Variants in TTC7B observed in about 807,000 individuals in gnomAD.
The protein encoded by TTC7B is tetratricopeptide repeat domain 7B.
Under a neutral mutation model 106.8 loss-of-function variants are expected in TTC7B, and 28 were observed. The ratio of observed to expected loss-of-function variants is 0.26; its 90% CI spans 0.19 to 0.36. The LOEUF (loss-of-function observed/expected upper bound fraction) is 0.36, where lower values mean the gene tolerates loss of function less well. Ranked by LOEUF, TTC7B falls within the 10% of genes least tolerant of loss-of-function variation. The pLI, the probability that TTC7B is intolerant of heterozygous loss-of-function variation, is 1.00. For missense variants in TTC7B, 862 were observed against 1,076.4 expected (o/e 0.80, Z 2.79); for synonymous variants, 405 against 430.6 (o/e 0.94, Z 0.74).
intron 18 of TTC7B, among the ~76,000 whole-genome samples, chr14:90,592,594 A>G (rs1180711409): frequency 6.6e-6 from 1 of 151,984 alleles, no homozygotes; most frequent in East Asian, 1.9e-4. Flanking sequence ...CTGTAATTCC[A>G]GCTACTTGGG....
chr14:90,584,080 C>T lies in TTC7B; in HGVS notation c.2108-5772G>A, dbSNP rs939528636. ...CCTCATCTGCCCTGTCACAGTGAGC[C>T]GCAAGTGTGCCAACCCTCCTGCAGG... On this transcript the variant is annotated intron_variant, in intron 18 of 19. Transcript: ENST00000328459. Among the ~76,000 whole-genome samples, 18 of 152,140 alleles carry T rather than the reference C, an allele frequency of 1.2e-4. 1 individual carries two copies. Among genetic ancestry groups the T allele is most frequent in the African/African-American group, 3.6e-4 (15 of 41,438 alleles).
At chr14:90,773,962 G>C (rs1890944196) in intron 3 of TTC7B, among the ~76,000 whole-genome samples, 1 of 152,122 alleles carries the variant, frequency 6.6e-6, no homozygotes, top group Non-Finnish European at 1.5e-5. Flanking sequence ...CCCTGCAGGG[G>C]CCACCTCAAA....
At chr14:90,676,690 G>A (rs1381220796) in intron 8 of TTC7B, 30 bp from the exon 9 acceptor site, 2 of 1,609,750 alleles carry the variant, frequency 1.2e-6, no homozygotes, top group Non-Finnish European at 1.7e-6. Context: ...AGAAGCAGAT[G>A]GAGAGAGAAC....
chr14:90,682,484 T>C (rs7494540), intron 7 of TTC7B, among the ~76,000 whole-genome samples: 2 of 152,232 alleles, frequency 1.3e-5, no homozygotes, highest in Non-Finnish European at 2.9e-5. Flanking sequence ...TCAATCATTA[T>C]GAATTCTCTA....
chr14:90,755,601 G>A (rs1376948125), intron 3 of TTC7B, among the ~76,000 whole-genome samples: 1 of 152,114 alleles, frequency 6.6e-6, no homozygotes, highest in African/African-American at 2.4e-5. Context: ...CAAGATTACA[G>A]TGAGCCATGA....
chr14:90,547,167 G>A (rs1239458182), intron 19 of TTC7B, among the ~76,000 whole-genome samples: 1 of 152,208 alleles, frequency 6.6e-6, no homozygotes, highest in Non-Finnish European at 1.5e-5. Context: ...AGACATAGAT[G>A]AAGGCTGCCT....
In TTC7B at chr14:90,801,447, G is replaced by A. The variant is rs367779351; in HGVS notation, c.121+14728C>T. On this transcript the variant is annotated intron_variant, in intron 1 of 19. Coordinates refer to ENST00000328459, the MANE Select transcript of TTC7B (RefSeq NM_001010854.2). The stretch of plus-strand genomic sequence containing the variant: ...GGCAAATGAGCGATAATTTGTTACA[G>A]CAGCCACAGGAAATGAGCACACAGG... Among the ~76,000 whole-genome samples, 13 of 152,248 alleles carry A rather than the reference G, an allele frequency of 8.5e-5. No individual in the cohort carries two copies. The East Asian group carries it at 1.3e-3, about 16-fold the overall frequency.
rs1889232827 is a variant in TTC7B, at chr14:90,529,588, C to T, written c.*11780G>A. The stretch of plus-strand genomic sequence containing the variant: ...TCAGGCAACCTGGGTTCAAGGCCTG[C>T]TGTAGTATTACCCAAACTTGGGCAA... On this transcript the variant is annotated 3_prime_UTR_variant, in exon 20 of 20. Coordinates refer to ENST00000328459, the MANE Select transcript of TTC7B (RefSeq NM_001010854.2). 6.6e-6 allele frequency: 1 copy of T among 152,218 alleles called. No homozygotes were observed. The highest frequency in any genetic ancestry group is 2.4e-5 in the African/African-American group (1 of 41,452). The allele number at this position is 152,218 out of a possible 1,614,324, so 9.4% of individuals were successfully genotyped here.
chr14:90,660,173 C>T (rs138884231), intron 9 of TTC7B, among the ~76,000 whole-genome samples: 2,172 of 151,678 alleles, frequency 0.014, 41 homozygotes, highest in African/African-American at 0.05. Context: ...CACTTGAGGC[C>T]AGGAGTTCGA....
At chr14:90,677,484 A>T (rs1886886259) in intron 8 of TTC7B, among the ~76,000 whole-genome samples, 1 of 152,226 alleles carries the variant, frequency 6.6e-6, no homozygotes, top group South Asian at 2.1e-4. Flanking sequence ...AATATATCAC[A>T]TGTCTGAGAC....
At chr14:90,694,086 G>A (rs888613215) in intron 6 of TTC7B, among the ~76,000 whole-genome samples, 1 of 152,222 alleles carries the variant, frequency 6.6e-6, no homozygotes, top group Non-Finnish European at 1.5e-5. Flanking sequence ...ATTATGCTAA[G>A]TGAAGAAAGC....
chr14:90,796,013 C>A (rs1891762733), intron 1 of TTC7B, among the ~76,000 whole-genome samples: 1 of 152,182 alleles, frequency 6.6e-6, no homozygotes. Flanking sequence ...GGCCACAGAG[C>A]TGGTTCATCC....
In TTC7B at chr14:90,692,917, G is replaced by A. The variant is rs1313730033; in HGVS notation, c.777+2583C>T. ...TGAGCTCTTGGTGGTGGTGATGGCA[G>A]GGTGTGTGTGTGTGTGTGTGAAGTT... On this transcript the variant is annotated intron_variant, in intron 6 of 19. Transcript: ENST00000328459. Among the ~76,000 whole-genome samples the A allele has an allele frequency of 2.0e-5, 3 of 151,936 alleles. No homozygotes were observed. In the East Asian group the frequency reaches 5.8e-4, roughly 29 times the overall value.
At chr14:90,594,672 C>T (rs1892129372) in intron 17 of TTC7B, among the ~76,000 whole-genome samples, 1 of 152,128 alleles carries the variant, frequency 6.6e-6, no homozygotes, top group South Asian at 2.1e-4. Flanking sequence ...ACTACCAACT[C>T]ATCATAAAGT....
At chr14:90,606,196 G>A (rs890895087) in intron 17 of TTC7B, among the ~76,000 whole-genome samples, 1 of 152,178 alleles carries the variant, frequency 6.6e-6, no homozygotes, top group African/African-American at 2.4e-5. Flanking sequence ...AAGGTGCAGA[G>A]TACTGAGGTG....
At position 90,808,707 on chromosome 14, in the gene TTC7B, G is replaced by A. The variant is rs1444857754; in HGVS notation, c.121+7468C>T. The stretch of plus-strand genomic sequence containing the variant: ...TGATGGGAATGCTTTTGAGGTCTCA[G>A]AAAACCTCATCCCTCTTCCTGGGCT... On this transcript the variant is annotated intron_variant, in intron 1 of 19. Coordinates refer to ENST00000328459, the MANE Select transcript of TTC7B (RefSeq NM_001010854.2). This position sits in a 1 kb window ranked among gnomAD's most constrained non-coding sequence, Gnocchi z 4.2. 6.6e-6 allele frequency among the ~76,000 whole-genome samples: 1 copy of A among 152,160 alleles called. No individual in the cohort carries two copies. The highest frequency in any genetic ancestry group is 1.5e-5 in the Non-Finnish European group (1 of 68,024).
chr14:90,541,377 G>T lies in TTC7B; in HGVS notation c.2523C>A (p.Arg841=), dbSNP rs373884753. ...GCTGGCAGGCGCCTGCTCAGAGCAC[G>T]CGGGGGATGATGGTGAAGGGCACGG... The part of the protein sequence containing the change: ...SPAVPFTIIP[R]VL Residue 841 remains arginine, a synonymous_variant, in exon 20 of 20, where the codon CGC becomes CGA. Transcript: ENST00000328459. 5 of 1,605,738 alleles carry T rather than the reference G, an allele frequency of 3.1e-6. No homozygotes were observed. The highest frequency in any genetic ancestry group is 4.2e-6 in the Non-Finnish European group (5 of 1,176,662).
intron 6 of TTC7B, among the ~76,000 whole-genome samples, chr14:90,690,298 T>A (rs1360749096): frequency 6.6e-6 from 1 of 152,196 alleles, no homozygotes; most frequent in Non-Finnish European, 1.5e-5. Flanking sequence ...ACTGGCCTTG[T>A]GCAATAGGGA....
At chr14:90,791,132 T>C (rs1043506634) in intron 1 of TTC7B, among the ~76,000 whole-genome samples, 8 of 152,078 alleles carry the variant, frequency 5.3e-5, no homozygotes, top group African/African-American at 1.9e-4. Context: ...TGCCACCCCT[T>C]TGGAATGTTC....
Sources: gnomAD v4.1 joint callset for allele counts (sites outside exome capture counted in the v4.1 genomes callset) on GRCh38, gnomAD v4.1.1 for gene constraint, Gnocchi (gnomAD v3.1) non-coding constraint, MANE v1.5 for transcripts, NCBI Gene and HGNC (gene_info 2026-07-23, HGNC 2026-07-21) for gene names.